The following RXRA variants were observed in gnomAD, a reference collection of about 807,000 sequenced individuals.
The protein encoded by RXRA is retinoic acid receptor RXR-alpha.
In RXRA, 5 loss-of-function variants were observed where a neutral mutation model predicts 44.5. That is an observed-to-expected ratio of 0.11 (90% CI 0.06 to 0.24). The LOEUF is 0.24. Among genes scored for constraint, RXRA ranks in the 10% least tolerant of loss-of-function variants. RXRA has a pLI of 1.00. For missense variants in RXRA, 412 were observed against 646.5 expected, an observed-to-expected ratio of 0.64 and a Z score of 3.93; for synonymous variants, 291 against 271.4, an observed-to-expected ratio of 1.07 and a Z score of -0.71.
At chr9:134,337,216 A>G (rs544068570) in intron 1 of RXRA, among the ~76,000 whole-genome samples, 38 of 152,296 alleles carry the variant, frequency 2.5e-4, no homozygotes, top group African/African-American at 9.1e-4. Context: ...CTTTGCTGGT[A>G]AGCATGTCTT....
intron 1 of RXRA, among the ~76,000 whole-genome samples, chr9:134,332,848 A>C (rs1423158074): frequency 1.3e-5 from 2 of 151,824 alleles, no homozygotes; most frequent in African/African-American, 2.4e-5. Context: ...GGCCCCTGTG[A>C]ATGGCCTTGC....
At position 134,328,641 on chromosome 9, in the gene RXRA, C is replaced by A. The variant is rs554914498; in HGVS notation, c.28+1982C>A. Among the ~76,000 whole-genome samples, 20 of 152,340 alleles carry A rather than the reference C, an allele frequency of 1.3e-4. No homozygotes were observed. The East Asian group carries it at 2.3e-3, about 18-fold the overall frequency. ...TCTGAAGTCCAGAGCAGTCGAAGGT[C>A]CATTTAAGCGGCTACTTTTCTAAGC... On this transcript the variant is annotated intron_variant, in intron 1 of 9. Transcript: ENST00000481739.
intron 4 of RXRA, among the ~76,000 whole-genome samples, chr9:134,410,868 C>T (rs1435303768): frequency 1.3e-5 from 2 of 152,224 alleles, no homozygotes; most frequent in African/African-American, 2.4e-5. Context: ...TGGCTGATGC[C>T]TGGCCTGGGC....
chr9:134,378,333 C>T (rs1453411051), intron 1 of RXRA, among the ~76,000 whole-genome samples: 1 of 112,608 alleles, frequency 8.9e-6, no homozygotes, highest in East Asian at 2.8e-4. Flanking sequence ...CTGCCGCCAC[C>T]TGAAGGCGTG....
chr9:134,388,648 G>T (rs1224322585), intron 1 of RXRA, among the ~76,000 whole-genome samples: 4 of 152,220 alleles, frequency 2.6e-5, no homozygotes, highest in Non-Finnish European at 5.9e-5. Context: ...TGAGTCAGGC[G>T]CATGGAAGTT....
At chr9:134,369,196 G>A (rs1367104657) in intron 1 of RXRA, among the ~76,000 whole-genome samples, 1 of 73,210 alleles carries the variant, frequency 1.4e-5, no homozygotes, top group African/African-American at 6.0e-5. Flanking sequence ...GGTTATGTGT[G>A]TGTGTGGGGT....
At chr9:134,424,666 G>T (rs1234446477) in intron 6 of RXRA, 3 of 985,334 alleles carry the variant, frequency 3.0e-6, no homozygotes, top group African/African-American at 1.7e-5. Context: ...TGAAGCACAC[G>T]TCCAATTCAG....
At chr9:134,401,365 T>A (rs907842896) in intron 1 of RXRA, 7 of 513,834 alleles carry the variant, frequency 1.4e-5, no homozygotes, top group South Asian at 1.1e-4. Flanking sequence ...TGGGGCTCAT[T>A]CACAGCGGGT....
chr9:134,390,745 C>T (rs188779663), intron 1 of RXRA, among the ~76,000 whole-genome samples: 24 of 151,912 alleles, frequency 1.6e-4, no homozygotes, highest in Admixed American at 7.9e-4. Context: ...AGCGGGCTGA[C>T]GTCCCGTTCT....
chr9:134,347,480 C>T (rs1379902868), intron 1 of RXRA, among the ~76,000 whole-genome samples: 1 of 152,182 alleles, frequency 6.6e-6, no homozygotes, highest in Non-Finnish European at 1.5e-5. Context: ...CGGGCTTCTG[C>T]CGAGCAGGAG....
At chr9:134,388,780 T>G (rs934021383) in intron 1 of RXRA, among the ~76,000 whole-genome samples, 2 of 152,198 alleles carry the variant, frequency 1.3e-5, no homozygotes, top group African/African-American at 4.8e-5. Context: ...CTCTGCCTCC[T>G]CCTCCTTGTG....
intron 6 of RXRA, chr9:134,424,927 T>C (rs1831408011): frequency 1.0e-6 from 1 of 985,216 alleles, no homozygotes; most frequent in African/African-American, 1.7e-5. Flanking sequence ...GGCCACTGAG[T>C]GCTCCCCCAT....
chr9:134,349,687 G>A lies in RXRA; in HGVS notation c.28+23028G>A, dbSNP rs572972508. On this transcript the variant is annotated intron_variant, in intron 1 of 9. Coordinates refer to ENST00000481739, the MANE Select transcript of RXRA (RefSeq NM_002957.6). The surrounding 1 kb of genome is among the most constrained non-coding windows in gnomAD (Gnocchi z 4.3). The stretch of plus-strand genomic sequence containing the variant: ...TGCTGACTTGTCTCATGAGGTTTGG[G>A]GACTTTAGTTCAAGCTGAATGCCTG... Among the ~76,000 whole-genome samples, 193 of 152,280 alleles carry A rather than the reference G, an allele frequency of 1.3e-3. 1 individual carries two copies. Among genetic ancestry groups the A allele is most frequent in the African/African-American group, 4.3e-3 (180 of 41,546 alleles).
intron 1 of RXRA, among the ~76,000 whole-genome samples, chr9:134,352,471 T>A (rs973101595): frequency 6.6e-6 from 1 of 152,160 alleles, no homozygotes; most frequent in Non-Finnish European, 1.5e-5. Context: ...CTGGTGGGGC[T>A]GTCCTGCCCT....
chr9:134,420,703 G>A (rs112612072), intron 5 of RXRA, among the ~76,000 whole-genome samples: 2 of 152,368 alleles, frequency 1.3e-5, no homozygotes, highest in Admixed American at 6.5e-5. Context: ...ATTCACAGTC[G>A]TTATTCCTGC....
chr9:134,380,070 C>T, intron 1 of RXRA: 9 of 985,446 alleles, frequency 9.1e-6, no homozygotes, highest in Non-Finnish European at 1.1e-5. Flanking sequence ...GCCCTCTCCC[C>T]TGCAGCCCCT....
intron 1 of RXRA, chr9:134,379,504 C>T (rs572102680): frequency 4.7e-4 from 462 of 986,462 alleles, no homozygotes; most frequent in Non-Finnish European, 5.0e-4. Context: ...CATCACTGAC[C>T]GTCTGTGGCA....
At chr9:134,423,689 CG>C in intron 6 of RXRA, 1 of 985,480 alleles carries the variant, frequency 1.0e-6, no homozygotes, top group Non-Finnish European at 1.2e-6. Context: ...TCTGCCGTTG[CG>C]GGCTCAGACT....
intron 1 of RXRA, among the ~76,000 whole-genome samples, chr9:134,338,627 G>A (rs12006435): frequency 0.11 from 17,488 of 152,294 alleles, 1,061 homozygotes; most frequent in South Asian, 0.16. Context: ...GCTGCTGGTG[G>A]GGGCAGGGGA....
Sources: allele counts gnomAD v4.1 joint callset (sites outside exome capture counted in the v4.1 genomes callset), GRCh38; gene constraint gnomAD v4.1.1; non-coding constraint Gnocchi (gnomAD v3.1); transcripts MANE v1.5; gene names NCBI Gene and HGNC (gene_info 2026-07-23, HGNC 2026-07-21).